The following EDA variants were observed in gnomAD, a reference collection of about 807,000 sequenced individuals.
EDA encodes the protein ectodysplasin-A.
In EDA, 2 loss-of-function variants were observed where a neutral mutation model predicts 23.6. The ratio of observed to expected loss-of-function variants is 0.08; its 90% CI spans 0.03 to 0.27. The LOEUF is 0.27. Among genes scored for constraint, EDA ranks in the 10% least tolerant of loss-of-function variants. The probability of loss-of-function intolerance (pLI) is 1.00; values close to 1 mark genes in which losing one functional copy is unlikely to be tolerated. For synonymous variants in EDA, 131 were observed against 132.0 expected, an observed-to-expected ratio of 0.99 and a Z score of 0.05; for missense variants, 229 against 324.2, an observed-to-expected ratio of 0.71 and a Z score of 2.26.
At chrX:69,713,827 C>T (rs2012197033) in intron 1 of EDA, among the ~76,000 whole-genome samples, 2 of 111,064 alleles carry the variant, frequency 1.8e-5, no homozygotes, top group African/African-American at 6.5e-5. Context: ...CTGCCATGAA[C>T]ATTTGTGTGT....
At chrX:69,828,433 G>A (rs1486109651) in intron 1 of EDA, among the ~76,000 whole-genome samples, 2 of 112,138 alleles carry the variant, frequency 1.8e-5, no homozygotes, top group African/African-American at 3.2e-5. Flanking sequence ...TTGGAAAAGC[G>A]CAGTATTCGG....
chrX:69,652,166 C>T (rs1301394279), intron 1 of EDA, among the ~76,000 whole-genome samples: 1 of 110,774 alleles, frequency 9.0e-6, no homozygotes, highest in African/African-American at 3.3e-5. Flanking sequence ...TTGCTTCTAG[C>T]AACATTTAGC....
intron 2 of EDA, among the ~76,000 whole-genome samples, chrX:70,003,423 T>C: frequency 8.9e-6 from 1 of 112,155 alleles, no homozygotes; most frequent in East Asian, 2.8e-4. Context: ...GTGCTAGGCC[T>C]TGTGTTAAGT....
intron 1 of EDA, among the ~76,000 whole-genome samples, chrX:69,828,442 G>A (rs1004102377): frequency 3.6e-5 from 4 of 111,931 alleles, no homozygotes; most frequent in South Asian, 3.8e-4. Flanking sequence ...CGCAGTATTC[G>A]GGTGGGAGTG....
intron 1 of EDA, among the ~76,000 whole-genome samples, chrX:69,955,006 C>CT (rs2018979153): frequency 8.9e-6 from 1 of 112,128 alleles, no homozygotes; most frequent in African/African-American, 3.2e-5. Flanking sequence ...TGATCTCGTT[C>CT]TTTTTTAATG....
intron 1 of EDA, among the ~76,000 whole-genome samples, chrX:69,750,042 A>T (rs1228052180): frequency 9.6e-6 from 1 of 104,559 alleles, no homozygotes; most frequent in Admixed American, 1.1e-4. Context: ...TTATACTTTA[A>T]GTTCTAGGGT....
At chrX:69,820,055 A>AGACAC (rs1377339213) in intron 1 of EDA, among the ~76,000 whole-genome samples, 1 of 111,403 alleles carries the variant, frequency 9.0e-6, no homozygotes, top group Non-Finnish European at 1.9e-5. Flanking sequence ...CACATAGACC[A>AGACAC]ATGGAACAGA....
chrX:69,879,677 C>T (rs750076067), intron 1 of EDA, among the ~76,000 whole-genome samples: 1 of 112,086 alleles, frequency 8.9e-6, no homozygotes, highest in Non-Finnish European at 1.9e-5. Flanking sequence ...CAAAACAGAA[C>T]AAGAAATACT....
intron 2 of EDA, among the ~76,000 whole-genome samples, chrX:70,009,329 T>C (rs2019843319): frequency 9.0e-6 from 1 of 111,730 alleles, no homozygotes; most frequent in Non-Finnish European, 1.9e-5. Flanking sequence ...ATTTGTTCTT[T>C]ACTTCTAGTT....
intron 1 of EDA, among the ~76,000 whole-genome samples, chrX:69,833,978 G>C (rs759331047): frequency 7.3e-5 from 6 of 82,175 alleles, no homozygotes; most frequent in East Asian, 7.8e-4. Context: ...ACAGGCACCA[G>C]TGTGTGATGT....
At chrX:69,787,465 T>G (rs1301033427) in intron 1 of EDA, among the ~76,000 whole-genome samples, 17 of 104,749 alleles carry the variant, frequency 1.6e-4, no homozygotes, top group Admixed American at 3.1e-4. Flanking sequence ...CTTCCTTCAG[T>G]AGCTCTTTTA....
chrX:69,802,104 C>T (rs1052975547), intron 1 of EDA, among the ~76,000 whole-genome samples: 2 of 110,610 alleles, frequency 1.8e-5, no homozygotes, highest in Non-Finnish European at 3.8e-5. Flanking sequence ...TTGGAAACAA[C>T]TTAAATCCCC....
intron 2 of EDA, among the ~76,000 whole-genome samples, chrX:70,017,248 C>T (rs1270334351): frequency 9.0e-6 from 1 of 111,643 alleles, no homozygotes; most frequent in Non-Finnish European, 1.9e-5. Context: ...AGCACAGGAC[C>T]AGGTGGATTC....
intron 1 of EDA, among the ~76,000 whole-genome samples, chrX:69,948,480 T>C (rs967597764): frequency 2.7e-5 from 3 of 111,975 alleles, no homozygotes; most frequent in Admixed American, 9.4e-5. Context: ...GCCAGTTTCA[T>C]TTGGCATTTG....
chrX:69,653,483 A>G, intron 1 of EDA, among the ~76,000 whole-genome samples: 1 of 110,915 alleles, frequency 9.0e-6, no homozygotes, highest in Non-Finnish European at 1.9e-5. Context: ...CTCCTGCCTG[A>G]TTGCCCTGGC....
intron 1 of EDA, among the ~76,000 whole-genome samples, chrX:69,861,597 A>C (rs1218749805): frequency 1.8e-5 from 2 of 112,041 alleles, no homozygotes; most frequent in Admixed American, 9.5e-5. Flanking sequence ...GACAAAAATT[A>C]TCACACTTAC....
chrX:69,897,468 T>G (rs948228307), intron 1 of EDA, among the ~76,000 whole-genome samples: 1 of 112,065 alleles, frequency 8.9e-6, no homozygotes, highest in Non-Finnish European at 1.9e-5. Flanking sequence ...TTTAAGACAT[T>G]TATTAAAATT....
intron 1 of EDA, among the ~76,000 whole-genome samples, chrX:69,789,835 C>G (rs1468528679): frequency 4.5e-5 from 5 of 112,018 alleles, no homozygotes; most frequent in Non-Finnish European, 9.4e-5. Flanking sequence ...CTTAACATTC[C>G]AAGTGGCTGA....
chrX:69,957,487 A>C (rs1304174384), intron 2 of EDA: 230 of 180,108 alleles, frequency 1.3e-3, no homozygotes, highest in Non-Finnish European at 1.9e-3. Flanking sequence ...TCAAAAAAAA[A>C]AAAACAAAAA....
Sources: gnomAD v4.1 joint callset for allele counts (sites outside exome capture counted in the v4.1 genomes callset) on GRCh38, gnomAD v4.1.1 for gene constraint, MANE v1.5 for transcripts, NCBI Gene and HGNC (gene_info 2026-07-23, HGNC 2026-07-21) for gene names.